Variants in ATXN1 observed in about 807,000 individuals in gnomAD.
ATXN1 encodes the protein ataxin-1.
Under a neutral mutation model 56.4 loss-of-function variants are expected in ATXN1, and 8 were observed. That is an observed-to-expected ratio of 0.14 (90% CI 0.08 to 0.26). The LOEUF is 0.26. ATXN1 is among the 10% of genes least tolerant of loss of function. The pLI is 1.00. For missense variants in ATXN1, 987 were observed against 1,106.5 expected (o/e 0.89, Z 1.53); for synonymous variants, 514 against 494.6 (o/e 1.04, Z -0.52).
At chr6:16,739,716 T>C (rs1336258937) in intron 2 of ATXN1, 10 of 435,230 alleles carry the variant, frequency 2.3e-5, no homozygotes, top group South Asian at 1.1e-4. Flanking sequence ...AGCTAAAACA[T>C]TGATTCTCAG....
rs541539536 is a variant in ATXN1, at chr6:16,621,180, G to C, written c.-488-35273C>G. ...TAGATGCCATTAGCAATGGCATAAA[G>C]ACACATGCATTTAGGAGATAACGCA... On this transcript the variant is annotated intron_variant, in intron 3 of 7. Transcript: ENST00000436367. Among the ~76,000 whole-genome samples the C allele has an allele frequency of 5.9e-5, 9 of 152,302 alleles. 1 individual carries two copies. The South Asian group carries it at 1.9e-3, about 32-fold the overall frequency.
chr6:16,359,991 C>T (rs975375732), intron 6 of ATXN1, among the ~76,000 whole-genome samples: 2 of 151,970 alleles, frequency 1.3e-5, no homozygotes, highest in African/African-American at 4.8e-5. Context: ...GATGGCTGCA[C>T]CGAAAATCTC....
intron 6 of ATXN1, among the ~76,000 whole-genome samples, chr6:16,454,429 C>T (rs1759825935): frequency 6.6e-6 from 1 of 152,158 alleles, no homozygotes. Flanking sequence ...ACCCCCCCTG[C>T]TAGGGGCTCT....
chr6:16,736,494 T>C (rs1047423775), intron 2 of ATXN1, among the ~76,000 whole-genome samples: 1 of 152,208 alleles, frequency 6.6e-6, no homozygotes, highest in Non-Finnish European at 1.5e-5. Flanking sequence ...GGGAATTATC[T>C]TTATATCACA....
chr6:16,500,535 T>C (rs779290728), intron 5 of ATXN1, among the ~76,000 whole-genome samples: 1 of 151,974 alleles, frequency 6.6e-6, no homozygotes. Context: ...TTACCTTTCT[T>C]TCTCTATATT....
intron 2 of ATXN1, chr6:16,738,785 A>G (rs780699045): frequency 2.0e-5 from 3 of 152,258 alleles, no homozygotes; most frequent in African/African-American, 4.8e-5. Context: ...AAACAACCCT[A>G]TAAGATATGT....
At chr6:16,363,677 T>C (rs1581715022) in intron 6 of ATXN1, among the ~76,000 whole-genome samples, 1 of 152,354 alleles carries the variant, frequency 6.6e-6, no homozygotes, top group East Asian at 1.9e-4. Flanking sequence ...TTAAAACTAG[T>C]TGATTTTTAG....
chr6:16,447,991 C>T (rs1374240956), intron 6 of ATXN1, among the ~76,000 whole-genome samples: 1 of 152,112 alleles, frequency 6.6e-6, no homozygotes, highest in Non-Finnish European at 1.5e-5. Flanking sequence ...TGTGTGGGTT[C>T]AAAAGTATCC....
At chr6:16,341,899 T>TTTTTA (rs1761258933) in intron 6 of ATXN1, among the ~76,000 whole-genome samples, 2 of 147,948 alleles carry the variant, frequency 1.4e-5, no homozygotes, top group African/African-American at 5.0e-5. Flanking sequence ...TTTTTTTTTT[T>TTTTTA]GAGACGGAGT....
At chr6:16,455,400 C>T (rs968734065) in intron 6 of ATXN1, among the ~76,000 whole-genome samples, 3 of 152,122 alleles carry the variant, frequency 2.0e-5, no homozygotes, top group African/African-American at 7.2e-5. Flanking sequence ...GGCCAAAATC[C>T]AACACACTGC....
intron 2 of ATXN1, among the ~76,000 whole-genome samples, chr6:16,733,632 G>A (rs754102556): frequency 3.9e-5 from 6 of 152,138 alleles, no homozygotes; most frequent in South Asian, 2.1e-4. Flanking sequence ...TTGGGAGGCC[G>A]AGGTCGGGAG....
At chr6:16,609,344 T>C (rs950017484) in intron 3 of ATXN1, among the ~76,000 whole-genome samples, 1 of 152,224 alleles carries the variant, frequency 6.6e-6, no homozygotes, top group African/African-American at 2.4e-5. Context: ...GATGTCTCTC[T>C]ACATAGCAGG....
At chr6:16,697,857 A>G (rs949038416) in intron 2 of ATXN1, among the ~76,000 whole-genome samples, 1 of 152,226 alleles carries the variant, frequency 6.6e-6, no homozygotes, top group African/African-American at 2.4e-5. Flanking sequence ...CCAATGGGAC[A>G]TGGATACTGT....
intron 3 of ATXN1, among the ~76,000 whole-genome samples, chr6:16,624,145 G>C (rs1049827988): frequency 1.3e-5 from 2 of 152,174 alleles, no homozygotes; most frequent in African/African-American, 2.4e-5. Context: ...GAGGTCAGGA[G>C]TTTGAGACCA....
At chr6:16,450,437 TG>T (rs1759731791) in intron 6 of ATXN1, among the ~76,000 whole-genome samples, 1 of 152,204 alleles carries the variant, frequency 6.6e-6, no homozygotes, top group African/African-American at 2.4e-5. Context: ...CCAGTGATAA[TG>T]TAGCTCCCAT....
chr6:16,696,430 T>C (rs1403597881), intron 2 of ATXN1, among the ~76,000 whole-genome samples: 1 of 152,218 alleles, frequency 6.6e-6, no homozygotes, highest in Non-Finnish European at 1.5e-5. Flanking sequence ...ATATTCACTA[T>C]ATAGTAGCAC....
intron 4 of ATXN1, among the ~76,000 whole-genome samples, chr6:16,537,199 T>C (rs1761618042): frequency 6.6e-6 from 1 of 152,212 alleles, no homozygotes; most frequent in Admixed American, 6.5e-5. Flanking sequence ...CAACCGTCCC[T>C]GAATTCCGAT....
chr6:16,670,974 A>G (rs1758528289), intron 2 of ATXN1, among the ~76,000 whole-genome samples: 2 of 152,236 alleles, frequency 1.3e-5, no homozygotes, highest in South Asian at 2.1e-4. Flanking sequence ...CATCCTCATT[A>G]CAGTCCATTT....
intron 3 of ATXN1, among the ~76,000 whole-genome samples, chr6:16,638,143 C>G (rs1275414335): frequency 6.6e-6 from 1 of 151,984 alleles, no homozygotes; most frequent in East Asian, 1.9e-4. Flanking sequence ...GTGTTAGGGT[C>G]TTTAAGAAAA....
Sources: allele counts gnomAD v4.1 joint callset (sites outside exome capture counted in the v4.1 genomes callset), GRCh38; gene constraint gnomAD v4.1.1; transcripts MANE v1.5; gene names NCBI Gene and HGNC (gene_info 2026-07-23, HGNC 2026-07-21).